Variants in DOCK5 observed in about 807,000 individuals in gnomAD.
DOCK5 encodes the protein dedicator of cytokinesis 5, also known as dedicator of cytokinesis protein 5.
In DOCK5, 142 loss-of-function variants were observed where a neutral mutation model predicts 251.8. The ratio of observed to expected loss-of-function variants is 0.56; its 90% CI spans 0.49 to 0.65. The LOEUF (loss-of-function observed/expected upper bound fraction) is 0.65, where lower values mean the gene tolerates loss of function less well. Ranked by LOEUF, DOCK5 falls within the 30% of genes least tolerant of loss-of-function variation. DOCK5 has a pLI of 0.00. For missense variants in DOCK5, 2,111 were observed against 2,312.3 expected (o/e 0.91, Z 1.79); for synonymous variants, 842 against 835.5 (o/e 1.01, Z -0.13).
intron 5 of DOCK5, among the ~76,000 whole-genome samples, chr8:25,284,571 T>C (rs1406617436): frequency 6.6e-6 from 1 of 152,194 alleles, no homozygotes; most frequent in Non-Finnish European, 1.5e-5. Flanking sequence ...TTCCCAGCCT[T>C]GGAAAGCAGC....
At chr8:25,390,869 C>T (rs184455900) in intron 42 of DOCK5, among the ~76,000 whole-genome samples, 5 of 151,724 alleles carry the variant, frequency 3.3e-5, no homozygotes, top group African/African-American at 7.3e-5. Context: ...GAGTACAGTG[C>T]GTGATCTTGG....
At chr8:25,263,577 C>T (rs984770613) in intron 2 of DOCK5, among the ~76,000 whole-genome samples, 6 of 151,782 alleles carry the variant, frequency 4.0e-5, no homozygotes, top group Admixed American at 1.3e-4. Context: ...ACTGATCACT[C>T]ATCCTCATTA....
At chr8:25,193,020 C>G (rs2117444141) in intron 1 of DOCK5, among the ~76,000 whole-genome samples, 1 of 152,276 alleles carries the variant, frequency 6.6e-6, no homozygotes, top group African/African-American at 2.4e-5. Context: ...CCCAGACCTG[C>G]TTTTTCTTCA....
chr8:25,405,426 T>C (rs1212829141), intron 48 of DOCK5, among the ~76,000 whole-genome samples: 1 of 152,028 alleles, frequency 6.6e-6, no homozygotes, highest in Non-Finnish European at 1.5e-5. Flanking sequence ...ACAAGTCATC[T>C]TTTTGTTTTT....
rs1803052678 is a variant in DOCK5 at position 25,244,737 on chromosome 8, A to C, written c.127+980A>C. On this transcript the variant is annotated intron_variant, in intron 2 of 51. Transcript: ENST00000276440. ...GGAGGAAAGGAAGCAGGATTTGGCC[A>C]CAGAACAGCTAAATTATCTGCATGG... Among the ~76,000 whole-genome samples, 3 of 152,318 alleles carry C rather than the reference A, an allele frequency of 2.0e-5. 1 individual carries two copies. In the South Asian group the frequency reaches 6.2e-4, roughly 32 times the overall value.
chr8:25,376,325 T>C (rs1449560712), intron 37 of DOCK5: 1 of 985,268 alleles, frequency 1.0e-6, no homozygotes, highest in African/African-American at 1.7e-5. Context: ...ATAGAGATGC[T>C]GTTTGTTAAG....
chr8:25,282,762 A>G (rs779974334), intron 5 of DOCK5, among the ~76,000 whole-genome samples: 5 of 135,908 alleles, frequency 3.7e-5, no homozygotes, highest in Admixed American at 2.5e-4. Context: ...AGGTGGGAGG[A>G]TTGCTTGAGC....
chr8:25,319,945 G>A (rs992532947), intron 15 of DOCK5, among the ~76,000 whole-genome samples: 1 of 152,148 alleles, frequency 6.6e-6, no homozygotes, highest in Non-Finnish European at 1.5e-5. Flanking sequence ...AAACCAAACA[G>A]AAATTTTCAC....
At chr8:25,222,083 C>G (rs1224312801) in intron 1 of DOCK5, among the ~76,000 whole-genome samples, 1 of 151,920 alleles carries the variant, frequency 6.6e-6, no homozygotes, top group Admixed American at 6.5e-5. Context: ...GTTTAGGACA[C>G]TCTGTTTTCT....
intron 18 of DOCK5, among the ~76,000 whole-genome samples, chr8:25,327,873 T>C (rs1805599995): frequency 6.6e-6 from 1 of 151,802 alleles, no homozygotes; most frequent in Non-Finnish European, 1.5e-5. Context: ...GGTAAGAGAG[T>C]AGATTTTAAG....
chr8:25,260,880 C>G (rs1194042464), intron 2 of DOCK5, among the ~76,000 whole-genome samples: 3 of 151,884 alleles, frequency 2.0e-5, no homozygotes, highest in African/African-American at 7.3e-5. Flanking sequence ...ACTGCAGCCT[C>G]CAACTTCTGG....
At chr8:25,378,935 A>G (rs1586378188) in intron 38 of DOCK5, among the ~76,000 whole-genome samples, 1 of 152,316 alleles carries the variant, frequency 6.6e-6, no homozygotes, top group South Asian at 2.1e-4. Flanking sequence ...TATCGGTAGG[A>G]CCGTGATGCC....
At chr8:25,316,430 G>A (rs181366927) in intron 13 of DOCK5, among the ~76,000 whole-genome samples, 4 of 152,280 alleles carry the variant, frequency 2.6e-5, no homozygotes, top group African/African-American at 4.8e-5. Context: ...GCAGTGAGCC[G>A]AGATTGCACC....
Position 25,226,590 on chromosome 8 carries a change from G to GT in DOCK5, c.44-17072dup, listed in dbSNP as rs574512849. Among the ~76,000 whole-genome samples the GT allele has an allele frequency of 2.2e-3, 317 of 142,514 alleles. 2 individuals carry two copies. Among genetic ancestry groups the GT allele is most frequent in the African/African-American group, 3.7e-3 (141 of 37,876 alleles). The allele number at this position is 142,514 out of a possible 152,430, so 93.5% of individuals were successfully genotyped here. Reference sequence around the variant, plus strand: ...TATTTTTTTATTTTTTTAATTTTAAGTTTTTTTTTTTTCGAGAGAGAGTCT... The same window carrying GT: ...TATTTTTTTATTTTTTTAATTTTAAGTTTTTTTTTTTTTCGAGAGAGAGTCT... On this transcript the variant is annotated intron_variant, in intron 1 of 51. Transcript: ENST00000276440.
chr8:25,296,552 G>A lies in DOCK5; in HGVS notation c.510G>A (p.Gly170=), dbSNP rs760078239. The change falls in exon 7 of 52, where the codon GGG becomes GGA. Residue 170 remains glycine, a synonymous_variant. Coordinates refer to ENST00000276440, the MANE Select transcript of DOCK5 (RefSeq NM_024940.8). ...GLDLVVRDDN[G]NILDPDETST... is the part of the protein sequence containing the mutation. ...ATCTGGTGGTGCGAGATGACAATGG[G>A]AACATCCTAGACCCTGACGAAACCA... 6.2e-7 allele frequency: 1 copy of A among 1,611,644 alleles called. No homozygotes were observed. The highest frequency in any genetic ancestry group is 1.1e-5 in the South Asian group (1 of 90,466).
intron 1 of DOCK5, among the ~76,000 whole-genome samples, chr8:25,226,630 G>T (rs1328663639): frequency 6.7e-6 from 1 of 149,030 alleles, no homozygotes; most frequent in Non-Finnish European, 1.5e-5. Flanking sequence ...GTGTTCCCCA[G>T]ATTGGAGTGC....
Position 25,340,920 on chromosome 8 carries a change from A to G in DOCK5, c.2371A>G (p.Ile791Val). 1.2e-6 allele frequency: 2 copies of G among 1,613,724 alleles called. No individual in the cohort carries two copies. The highest frequency in any genetic ancestry group is 2.2e-5 in the East Asian group (1 of 44,878). ...AGATGGAGATGAGTTTAATAATTCA[A>G]TTCGCCAGTTATTTCTTGCTTTCAA... Reference protein sequence around the residue: ...SKDGDEFNNSIRQLFLAFNML... With the variant: ...SKDGDEFNNSVRQLFLAFNML... Residue 791 changes from isoleucine (I) to valine (V), a missense_variant, in exon 23 of 52, where the codon ATT becomes GTT. Coordinates refer to ENST00000276440, the MANE Select transcript of DOCK5 (RefSeq NM_024940.8).
intron 51 of DOCK5, among the ~76,000 whole-genome samples, chr8:25,410,570 TC>T (rs1801604211): frequency 6.6e-6 from 1 of 152,014 alleles, no homozygotes; most frequent in Non-Finnish European, 1.5e-5. Flanking sequence ...CAAGTGATTC[TC>T]CTACCTTGGC....
chr8:25,371,749 G>A (rs1156650748), intron 34 of DOCK5, among the ~76,000 whole-genome samples: 1 of 152,090 alleles, frequency 6.6e-6, no homozygotes, highest in Non-Finnish European at 1.5e-5. Context: ...TTTACATAAG[G>A]ATCTTACTTT....
Sources: gnomAD v4.1 joint callset for allele counts (sites outside exome capture counted in the v4.1 genomes callset) on GRCh38, gnomAD v4.1.1 for gene constraint, MANE v1.5 for transcripts, NCBI Gene and HGNC (gene_info 2026-07-23, HGNC 2026-07-21) for gene names.